Variants in TBXAS1 observed in about 807,000 individuals in gnomAD.
TBXAS1 encodes thromboxane-A synthase.
Under a neutral mutation model 60.7 loss-of-function variants are expected in TBXAS1, and 48 were observed. That is an observed-to-expected ratio of 0.79 (90% CI 0.63 to 1.01). The LOEUF is 1.01. Ranked by LOEUF, TBXAS1 falls within the 50% of genes least tolerant of loss-of-function variation. The pLI is 0.00. For synonymous variants in TBXAS1, 287 were observed against 269.7 expected (o/e 1.06, Z -0.63); for missense variants, 685 against 686.3 (o/e 1.00, Z 0.02).
chr7:139,793,851 G>C (rs1248090221), intron 4 of TBXAS1, among the ~76,000 whole-genome samples: 1 of 152,178 alleles, frequency 6.6e-6, no homozygotes, highest in Non-Finnish European at 1.5e-5. Context: ...ATCTGACTTA[G>C]TAGAAAGTAA....
intron 10 of TBXAS1, among the ~76,000 whole-genome samples, 168 bp downstream of exon 10, chr7:140,007,350 C>T (rs1030780079): frequency 5.3e-5 from 8 of 152,242 alleles, no homozygotes; most frequent in African/African-American, 1.4e-4. Context: ...ATATCTGGCC[C>T]GCTTTCCTAC....
chr7:139,805,149 C>A (rs1460149258), intron 4 of TBXAS1, among the ~76,000 whole-genome samples: 2 of 152,228 alleles, frequency 1.3e-5, no homozygotes, highest in Non-Finnish European at 2.9e-5. Flanking sequence ...TCACAGCCAT[C>A]AGTGGCGCTA....
chr7:139,812,707 C>T (rs1798047596), intron 4 of TBXAS1, among the ~76,000 whole-genome samples: 1 of 152,144 alleles, frequency 6.6e-6, no homozygotes, highest in Admixed American at 6.5e-5. Context: ...GCATTGATAA[C>T]ACGAGAAGTA....
chr7:139,830,684 GA>G (rs1263284208), intron 1 of TBXAS1, among the ~76,000 whole-genome samples: 2 of 152,072 alleles, frequency 1.3e-5, no homozygotes. Context: ...CGGGAAGCCC[GA>G]AGCACAGTGT....
chr7:139,897,476 G>C (rs1804204716), intron 3 of TBXAS1, among the ~76,000 whole-genome samples: 1 of 152,134 alleles, frequency 6.6e-6, no homozygotes, highest in African/African-American at 2.4e-5. Context: ...GTTCAGTAAA[G>C]AAGCAGCATA....
intron 4 of TBXAS1, among the ~76,000 whole-genome samples, chr7:139,921,584 T>C (rs1419751063): frequency 6.6e-6 from 1 of 152,136 alleles, no homozygotes; most frequent in Non-Finnish European, 1.5e-5. Flanking sequence ...GTGCCTGTGG[T>C]CCCAGGTACT....
chr7:139,962,344 T>C (rs1810440142), intron 9 of TBXAS1, 111 bp downstream of exon 9: 23 of 1,332,298 alleles, frequency 1.7e-5, no homozygotes, highest in Non-Finnish European at 2.1e-6. Flanking sequence ...CATTCTAAGC[T>C]TATAAGATGA....
At position 139,979,837 on chromosome 7, in the gene TBXAS1, T is replaced by TA. The variant is rs571864029; in HGVS notation, c.1134+17605dup. Among the ~76,000 whole-genome samples, 741 of 151,806 alleles carry TA rather than the reference T, an allele frequency of 4.9e-3. 6 individuals are homozygous for TA. Among genetic ancestry groups the TA allele is most frequent in the African/African-American group, 0.017 (711 of 41,454 alleles). ...CTGTTGTGTTTTTTGGGGTTTTTTT[T>TA]ATGTAACATTTGACAAGTTTACATT... is the stretch of plus-strand genomic sequence containing the variant. On this transcript the variant is annotated intron_variant, in intron 9 of 12. Transcript: ENST00000448866.
chr7:139,843,328 A>C (rs893085009), intron 1 of TBXAS1, among the ~76,000 whole-genome samples: 2 of 49,084 alleles, frequency 4.1e-5, no homozygotes, highest in African/African-American at 1.9e-4. Context: ...TACTTTATTT[A>C]TTTATTTATT....
chr7:139,952,291 G>A (rs1364706543), intron 5 of TBXAS1, among the ~76,000 whole-genome samples: 4 of 152,138 alleles, frequency 2.6e-5, no homozygotes, highest in East Asian at 1.9e-4. Context: ...GCCATGATTC[G>A]TTCATTCACT....
chr7:139,884,880 T>C (rs781271087), intron 3 of TBXAS1, among the ~76,000 whole-genome samples: 11 of 152,112 alleles, frequency 7.2e-5, no homozygotes, highest in Non-Finnish European at 1.0e-4. Context: ...AGTTCTAAGA[T>C]TCACAGCATC....
At position 140,017,695 on chromosome 7, in the gene TBXAS1, G is replaced by A. The variant is rs757042013; in HGVS notation, c.1389G>A (p.Gln463=). 2.3e-5 allele frequency: 37 copies of A among 1,613,444 alleles called. No individual in the cohort carries two copies. The highest frequency in any genetic ancestry group is 3.1e-5 in the Non-Finnish European group (37 of 1,179,850). The stretch of plus-strand genomic sequence containing the variant: ...GGTTCACGGCTGAGGCCCGGCAGCA[G>A]CACCGGCCCTTCACGTACCTGCCCT... ...PERFTAEARQ[Q]HRPFTYLPFG... Residue 463 remains glutamine, a synonymous_variant, in exon 12 of 13, where the codon CAG becomes CAA. Transcript: ENST00000448866.
At chr7:139,797,960 A>G (rs1166942686) in intron 4 of TBXAS1, among the ~76,000 whole-genome samples, 1 of 152,240 alleles carries the variant, frequency 6.6e-6, no homozygotes, top group Non-Finnish European at 1.5e-5. Flanking sequence ...TCTCCTTGGA[A>G]CACTCATGAT....
rs551876384 is a variant in TBXAS1 at position 139,809,369 on chromosome 7, C to T, written c.-79-19943C>T. Among the ~76,000 whole-genome samples, 809 of 130,144 alleles carry T rather than the reference C, an allele frequency of 6.2e-3. 1 individual carries two copies. The highest frequency in any genetic ancestry group is 0.022 in the African/African-American group (741 of 33,600). 85.4% of individuals were successfully genotyped at this position (130,144 alleles called of 152,430 possible). On this transcript the variant is annotated intron_variant, in intron 4 of 16. Transcript: ENST00000336425. ...ATAGATAGATAGATAGATAGATAGA[C>T]AGACAGAACCAACAGGAGATAGATA... is the stretch of plus-strand genomic sequence containing the variant.
chr7:139,968,598 A>G (rs1214443824), intron 9 of TBXAS1, among the ~76,000 whole-genome samples: 1 of 152,190 alleles, frequency 6.6e-6, no homozygotes, highest in Non-Finnish European at 1.5e-5. Flanking sequence ...CCCGGCTTCA[A>G]TCCACTTTTT....
intron 3 of TBXAS1, among the ~76,000 whole-genome samples, chr7:139,886,617 C>G (rs1302522152): frequency 6.6e-6 from 1 of 152,154 alleles, no homozygotes; most frequent in Middle Eastern, 3.2e-3. Context: ...AGAGCTACTG[C>G]AGGAAGGAAA....
At chr7:139,960,322 G>A (rs897258235) in intron 8 of TBXAS1, among the ~76,000 whole-genome samples, 2 of 152,158 alleles carry the variant, frequency 1.3e-5, no homozygotes, top group African/African-American at 4.8e-5. Flanking sequence ...CCAAATGCAC[G>A]CACTGCATTA....
In TBXAS1 at chr7:139,780,215, A is replaced by G. The variant is rs1796938980; in HGVS notation, c.-317-525A>G. Among the ~76,000 whole-genome samples, 8 of 145,314 alleles carry G rather than the reference A, an allele frequency of 5.5e-5. No individual in the cohort carries two copies. In the South Asian group the frequency reaches 1.4e-3, roughly 26 times the overall value. On this transcript the variant is annotated intron_variant, in intron 1 of 16. Transcript: ENST00000336425. ...CACAGGTATGTAACTCCCTGTTAATACATACCCTACATGCATGTCTCTCTG... is the reference window on the plus strand; with the variant it reads ...CACAGGTATGTAACTCCCTGTTAATGCATACCCTACATGCATGTCTCTCTG...
chr7:139,931,135 C>G (rs1406980985), intron 4 of TBXAS1, among the ~76,000 whole-genome samples: 1 of 152,128 alleles, frequency 6.6e-6, no homozygotes, highest in Non-Finnish European at 1.5e-5. Flanking sequence ...TGAACAAGTT[C>G]AATAACCACA....
Sources: allele counts gnomAD v4.1 joint callset (sites outside exome capture counted in the v4.1 genomes callset), GRCh38; gene constraint gnomAD v4.1.1; transcripts MANE v1.5; gene names NCBI Gene and HGNC (gene_info 2026-07-23, HGNC 2026-07-21).